The following DAZL variants were observed in gnomAD, a reference collection of about 807,000 sequenced individuals.
The protein encoded by DAZL is deleted in azoospermia-like.
DAZL carries 4 observed loss-of-function variants against 45.0 expected under a neutral mutation model. The ratio of observed to expected loss-of-function variants is 0.09; its 90% CI spans 0.04 to 0.20. The LOEUF (loss-of-function observed/expected upper bound fraction) is 0.20, where lower values mean the gene tolerates loss of function less well. Among genes scored for constraint, DAZL ranks in the 10% least tolerant of loss-of-function variants. DAZL has a pLI of 1.00. For synonymous variants in DAZL, 122 were observed against 112.4 expected (o/e 1.09, Z -0.54); for missense variants, 326 against 351.3 (o/e 0.93, Z 0.58).
At chr3:16,596,650 A>G (rs1694604387) in intron 6 of DAZL, 100 bp downstream of exon 6, 2 of 1,285,674 alleles carry the variant, frequency 1.6e-6, no homozygotes, top group East Asian at 2.3e-5. Context: ...GTATTCAAAC[A>G]GGGATGCCAT....
Position 16,596,908 on chromosome 3 carries a change from G to A in DAZL, c.359-19C>T. The A allele has an allele frequency of 6.2e-7, 1 of 1,613,730 alleles. No homozygotes were observed. Among genetic ancestry groups the A allele is most frequent in the South Asian group, 1.1e-5 (1 of 91,060 alleles). On this transcript the variant is annotated intron_variant, in intron 5 of 10. Coordinates refer to ENST00000399444, the MANE Select transcript of DAZL (RefSeq NM_001351.4). ...TAAGCACCTTTTTGAAAAGCAAAAA[G>A]AAAAGGCCTATTTTTAGTTCTTTGA... is the stretch of plus-strand genomic sequence containing the variant.
In DAZL at chr3:16,602,386, T is replaced by C. The variant is rs369074713; in HGVS notation, c.3+2817A>G. On this transcript the variant is annotated intron_variant, in intron 1 of 10. Transcript: ENST00000399444. ...CAGTTTCCGTGGGAGTTTTTTCAAC[T>C]TGTAAAGAAATAGATAACTTGGGTG... Among the ~76,000 whole-genome samples, 10 of 152,302 alleles carry C rather than the reference T, an allele frequency of 6.6e-5. No homozygotes were observed. The East Asian group carries it at 1.5e-3, about 23-fold the overall frequency.
Position 16,592,093 on chromosome 3 carries a change from T to C in DAZL, c.791A>G (p.Asn264Ser). Residue 264 changes from asparagine to serine, a missense_variant, in exon 10 of 11, where the codon AAC (asparagine) becomes AGC (serine). Asn to Ser is a conservative substitution (Grantham distance 46, BLOSUM62 1). Coordinates refer to ENST00000399444, the MANE Select transcript of DAZL (RefSeq NM_001351.4). ...TVVSCLFNPE[N>S]RLRNSVVTQD... is the part of the protein sequence containing the mutation. ...AGTAACAACAGAGTTTCTCAGTCTG[T>C]TCTCTGGATTAAACAGACAAGATAC... 6.2e-7 allele frequency: 1 copy of C among 1,613,884 alleles called. No homozygotes were observed. The highest frequency in any genetic ancestry group is 8.5e-7 in the Non-Finnish European group (1 of 1,179,868).
chr3:16,592,079 A>T lies in DAZL; in HGVS notation c.805T>A (p.Ser269Thr), dbSNP rs1694527761. 3.1e-6 allele frequency: 5 copies of T among 1,613,732 alleles called. No homozygotes were observed. The highest frequency in any genetic ancestry group is 4.2e-6 in the Non-Finnish European group (5 of 1,179,736). Residue 269 changes from serine to threonine, a missense_variant, in exon 10 of 11, where the codon TCT becomes ACT. Around this residue, in one of 3 missense-constraint regions of DAZL, gnomAD observed 227 missense variants for 216.6 expected, o/e 1.05. Coordinates refer to ENST00000399444, the MANE Select transcript of DAZL (RefSeq NM_001351.4). ...LFNPENRLRNSVVTQDDYFKD... is the reference protein window; with the variant it reads ...LFNPENRLRNTVVTQDDYFKD... Reference sequence around the variant, plus strand: ...AAGTAGTCATCTTGAGTAACAACAGAGTTTCTCAGTCTGTTCTCTGGATTA... The same window carrying T: ...AAGTAGTCATCTTGAGTAACAACAGTGTTTCTCAGTCTGTTCTCTGGATTA...
At chr3:16,604,519 G>C (rs1261843064) in intron 1 of DAZL, 1 of 1,506,628 alleles carries the variant, frequency 6.6e-7, no homozygotes, top group African/African-American at 1.4e-5. Flanking sequence ...GTCCCCCGCA[G>C]CTGACAGGCG....
rs544460512 is a variant in DAZL, at chr3:16,594,533, C to T, written c.621G>A (p.Pro207=). Residue 207 remains proline, a splice_region_variant and synonymous_variant, in exon 8 of 11, where the codon CCG becomes CCA. Coordinates refer to ENST00000399444, the MANE Select transcript of DAZL (RefSeq NM_001351.4). ...VGEQRSYVVP[P]AYSAVNYHCN... is the part of the protein sequence containing the mutation. Reference sequence around the variant, plus strand: ...TATATGTTTGGCTAATTCACTTTACCGGAGGTACAACATAGCTCCTTTGCT... The same window carrying T: ...TATATGTTTGGCTAATTCACTTTACTGGAGGTACAACATAGCTCCTTTGCT... 10 of 1,587,832 alleles carry T rather than the reference C, an allele frequency of 6.3e-6. No homozygotes were observed. Among genetic ancestry groups the T allele is most frequent in the East Asian group, 2.3e-5 (1 of 44,412 alleles).
intron 1 of DAZL, among the ~76,000 whole-genome samples, 155 bp from the exon 2 acceptor site, chr3:16,598,753 G>A (rs376801269): frequency 2.0e-5 from 3 of 151,406 alleles, no homozygotes; most frequent in South Asian, 4.2e-4. Context: ...TATCAGAGTA[G>A]ATCAGCATGA....
chr3:16,591,762 C>A (rs1308968470), intron 10 of DAZL, among the ~76,000 whole-genome samples: 1 of 152,116 alleles, frequency 6.6e-6, no homozygotes, highest in East Asian at 1.9e-4. Flanking sequence ...CTAAAATTTT[C>A]TTTTACTATT....
intron 1 of DAZL, among the ~76,000 whole-genome samples, chr3:16,599,184 TA>T (rs111790325): frequency 2.7e-5 from 4 of 146,386 alleles, no homozygotes; most frequent in Non-Finnish European, 3.0e-5. Flanking sequence ...GTGAATTACT[TA>T]AAAAAAAAAC....
chr3:16,601,269 A>G (rs1163970953), intron 1 of DAZL, among the ~76,000 whole-genome samples: 2 of 150,272 alleles, frequency 1.3e-5, no homozygotes, highest in Non-Finnish European at 3.0e-5. Flanking sequence ...AGTTTGGTAA[A>G]GAGGAAAAGA....
At chr3:16,590,398 A>T (rs1253503303) in intron 10 of DAZL, among the ~76,000 whole-genome samples, 1 of 68,118 alleles carries the variant, frequency 1.5e-5, no homozygotes, top group African/African-American at 8.1e-5. Context: ...GATGAAAAAA[A>T]AGCTAGTCTT....
At chr3:16,598,203 G>A (rs1694629904) in intron 2 of DAZL, 25 bp from the exon 3 acceptor site, 1 of 1,558,138 alleles carries the variant, frequency 6.4e-7, no homozygotes, top group Non-Finnish European at 8.8e-7. Context: ...TGAACTTCAA[G>A]AGTAAAAATT....
At chr3:16,589,236 A>G (rs1007394405) in intron 10 of DAZL, among the ~76,000 whole-genome samples, 2 of 152,202 alleles carry the variant, frequency 1.3e-5, no homozygotes, top group African/African-American at 4.8e-5. Context: ...AAAAATTTAA[A>G]TACATGCAAA....
intron 9 of DAZL, among the ~76,000 whole-genome samples, chr3:16,593,156 G>C (rs1694546929): frequency 6.6e-6 from 1 of 152,174 alleles, no homozygotes; most frequent in Non-Finnish European, 1.5e-5. Context: ...TAGAATTCTT[G>C]AGGAAACCTT....
intron 7 of DAZL, 34 bp downstream of exon 7, chr3:16,595,280 T>C: frequency 1.6e-6 from 2 of 1,261,856 alleles, no homozygotes; most frequent in Non-Finnish European, 2.2e-6. Flanking sequence ...CAATAAAATC[T>C]GAAAGTAAAT....
At chr3:16,592,611 T>C (rs1694538808) in intron 9 of DAZL, among the ~76,000 whole-genome samples, 1 of 151,758 alleles carries the variant, frequency 6.6e-6, no homozygotes, top group Admixed American at 6.6e-5. Context: ...ATGTGATTCA[T>C]AATTCTTACC....
chr3:16,592,987 T>C (rs1694543925), intron 9 of DAZL, among the ~76,000 whole-genome samples: 1 of 152,196 alleles, frequency 6.6e-6, no homozygotes, highest in Non-Finnish European at 1.5e-5. Flanking sequence ...TAATTCAATA[T>C]TTGAATAATT....
At chr3:16,600,958 T>C (rs1477865470) in intron 1 of DAZL, among the ~76,000 whole-genome samples, 2 of 152,220 alleles carry the variant, frequency 1.3e-5, no homozygotes, top group Non-Finnish European at 2.9e-5. Flanking sequence ...TGGCATCTGA[T>C]GGGCTGAAGG....
intron 1 of DAZL, chr3:16,604,335 A>G (rs1694740031): frequency 1.9e-6 from 2 of 1,072,498 alleles, no homozygotes; most frequent in East Asian, 2.6e-5. Context: ...AACGCTATCT[A>G]CCAAATGGAC....
Sources: gnomAD v4.1 joint callset for allele counts (sites outside exome capture counted in the v4.1 genomes callset) on GRCh38, gnomAD v4.1.1 for gene constraint, gnomAD v4.1.1 regional missense constraint, MANE v1.5 for transcripts, NCBI Gene and HGNC (gene_info 2026-07-23, HGNC 2026-07-21) for gene names.